The following ZFAND3 variants were observed in gnomAD, a reference collection of about 807,000 sequenced individuals.
ZFAND3 encodes AN1-type zinc finger protein 3.
In ZFAND3, 10 loss-of-function variants were observed where a neutral mutation model predicts 29.6. That is an observed-to-expected ratio of 0.34 (90% CI 0.21 to 0.57). ZFAND3 has a LOEUF of 0.57. Ranked by LOEUF, ZFAND3 falls within the 20% of genes least tolerant of loss-of-function variation. The probability of loss-of-function intolerance (pLI) is 0.86; values close to 1 mark genes in which losing one functional copy is unlikely to be tolerated. For synonymous variants in ZFAND3, 128 were observed against 112.6 expected (o/e 1.14, Z -0.87); for missense variants, 230 against 304.5 (o/e 0.76, Z 1.82).
At chr6:37,941,286 T>A (rs1273620391) in intron 2 of ZFAND3, among the ~76,000 whole-genome samples, 4 of 152,196 alleles carry the variant, frequency 2.6e-5, no homozygotes, top group Non-Finnish European at 4.4e-5. Flanking sequence ...GCTAAATAGA[T>A]TAGTCGGGAT....
chr6:38,054,844 A>G (rs1203911980), intron 2 of ZFAND3, among the ~76,000 whole-genome samples: 1 of 152,244 alleles, frequency 6.6e-6, no homozygotes, highest in African/African-American at 2.4e-5. Context: ...TTAACATCCA[A>G]CTACCAGAAT....
chr6:37,827,782 A>C (rs1360294520), intron 1 of ZFAND3, among the ~76,000 whole-genome samples: 1 of 152,210 alleles, frequency 6.6e-6, no homozygotes, highest in African/African-American at 2.4e-5. Flanking sequence ...TAGCTGTACC[A>C]GATGTCCCAT....
At chr6:38,056,652 G>C (rs1764139421) in intron 2 of ZFAND3, among the ~76,000 whole-genome samples, 1 of 152,190 alleles carries the variant, frequency 6.6e-6, no homozygotes, top group African/African-American at 2.4e-5. Flanking sequence ...TTTGTAGTAA[G>C]AAGATTGACG....
chr6:38,061,006 C>CATGAT (rs1440808421), intron 2 of ZFAND3, among the ~76,000 whole-genome samples: 1 of 152,154 alleles, frequency 6.6e-6, no homozygotes, highest in Non-Finnish European at 1.5e-5. Flanking sequence ...GGTTCAAACC[C>CATGAT]ATGATGTTCA....
intron 1 of ZFAND3, among the ~76,000 whole-genome samples, chr6:37,918,455 G>C (rs934899968): frequency 6.6e-6 from 1 of 152,074 alleles, no homozygotes; most frequent in Admixed American, 6.5e-5. Flanking sequence ...CAGCTTCCTT[G>C]CTAGCCTGTT....
chr6:38,119,917 G>A (rs1332206420), intron 5 of ZFAND3, among the ~76,000 whole-genome samples: 1 of 152,158 alleles, frequency 6.6e-6, no homozygotes, highest in Non-Finnish European at 1.5e-5. Flanking sequence ...CAGTAAGGAG[G>A]AATTTTGAAT....
intron 2 of ZFAND3, among the ~76,000 whole-genome samples, chr6:37,953,820 G>A (rs991124221): frequency 4.6e-5 from 7 of 152,006 alleles, no homozygotes; most frequent in African/African-American, 1.7e-4. Context: ...TTTAATAACC[G>A]TTTCTGCTGC....
At chr6:38,064,586 C>T (rs1215083836) in intron 3 of ZFAND3, among the ~76,000 whole-genome samples, 1 of 151,640 alleles carries the variant, frequency 6.6e-6, no homozygotes. Flanking sequence ...TGCTTTCTCT[C>T]CCTGTCATTA....
At chr6:37,966,837 C>G (rs1762301889) in intron 2 of ZFAND3, among the ~76,000 whole-genome samples, 1 of 152,162 alleles carries the variant, frequency 6.6e-6, no homozygotes, top group South Asian at 2.1e-4. Context: ...TTATTTCCTT[C>G]TGGAACAGTT....
At chr6:37,896,514 T>TTTTCTTTCTTTCTTTCTTTC (rs58666227) in intron 1 of ZFAND3, among the ~76,000 whole-genome samples, 2,030 of 109,158 alleles carry the variant, frequency 0.019, 51 homozygotes, top group Non-Finnish European at 0.021. Flanking sequence ...TTCCTCTTTC[T>TTTTCTTTCTTTCTTTCTTTC]TTTCTTTCTT....
intron 2 of ZFAND3, among the ~76,000 whole-genome samples, chr6:37,973,569 C>T (rs976041911): frequency 6.6e-6 from 1 of 152,160 alleles, no homozygotes; most frequent in Non-Finnish European, 1.5e-5. Flanking sequence ...TTAGGAACTG[C>T]ATTTTCCATT....
chr6:38,148,849 A>G (rs1766163249), intron 5 of ZFAND3, among the ~76,000 whole-genome samples: 3 of 152,172 alleles, frequency 2.0e-5, no homozygotes, highest in Admixed American at 2.0e-4. Flanking sequence ...CAAGTTCCAG[A>G]CATAACTTCC....
rs71542148 is a variant in ZFAND3 at position 37,914,672 on chromosome 6, C to CTTTTTTTTTTTTTTTTTTT, written c.72-15277_72-15276insTTTTTTTTTTTTTTTTTTT. ...TTTCTTTCTTTCTTTCTTTTTTTTT[C>CTTTTTTTTTTTTTTTTTTT]TTTTTTTTTTAGTGGAGACGGGGTT... On this transcript the variant is annotated intron_variant, in intron 1 of 5. Transcript: ENST00000287218. Among the ~76,000 whole-genome samples, 4 of 114,210 alleles carry CTTTTTTTTTTTTTTTTTTT rather than the reference C, an allele frequency of 3.5e-5. 1 individual carries two copies. The highest frequency in any genetic ancestry group is 1.1e-4 in the African/African-American group (3 of 27,980). The allele number at this position is 114,210 out of a possible 152,430, so 74.9% of individuals were successfully genotyped here. A position where few individuals can be genotyped will look rare whatever the true frequency, so the allele number is the denominator to read the frequency against.
chr6:37,898,305 G>A (rs1441883876), intron 1 of ZFAND3, among the ~76,000 whole-genome samples: 1 of 152,150 alleles, frequency 6.6e-6, no homozygotes, highest in Non-Finnish European at 1.5e-5. Context: ...TGCTGTGGTA[G>A]TGTTAAGCCA....
intron 5 of ZFAND3, among the ~76,000 whole-genome samples, chr6:38,144,196 T>TATATATATATATATAATATATA (rs1766034610): frequency 2.4e-5 from 1 of 41,094 alleles, no homozygotes; most frequent in South Asian, 5.2e-4. Context: ...TATATATATA[T>TATATATATATATATAATATATA]ATATATATAT....
At chr6:38,150,264 A>C (rs1360766150) in intron 5 of ZFAND3, among the ~76,000 whole-genome samples, 1 of 152,170 alleles carries the variant, frequency 6.6e-6, no homozygotes, top group Non-Finnish European at 1.5e-5. Flanking sequence ...CGGGAGACAG[A>C]AATTGCATCT....
chr6:37,881,842 C>T (rs958799296), intron 1 of ZFAND3, among the ~76,000 whole-genome samples: 12 of 151,380 alleles, frequency 7.9e-5, no homozygotes, highest in African/African-American at 2.9e-4. Flanking sequence ...AGAATTTCAA[C>T]AATTTTAGTT....
chr6:37,990,946 G>A (rs1247576318), intron 2 of ZFAND3, among the ~76,000 whole-genome samples: 1 of 152,184 alleles, frequency 6.6e-6, no homozygotes, highest in Non-Finnish European at 1.5e-5. Flanking sequence ...CCCAGGCATG[G>A]CAGGCATCCT....
At chr6:37,942,154 T>C (rs1402133722) in intron 2 of ZFAND3, among the ~76,000 whole-genome samples, 5 of 152,174 alleles carry the variant, frequency 3.3e-5, no homozygotes, top group Admixed American at 2.6e-4. Flanking sequence ...AGTAAGAGTA[T>C]GTTTTAAATA....
Sources: gnomAD v4.1 joint callset for allele counts (sites outside exome capture counted in the v4.1 genomes callset) on GRCh38, gnomAD v4.1.1 for gene constraint, MANE v1.5 for transcripts, NCBI Gene and HGNC (gene_info 2026-07-23, HGNC 2026-07-21) for gene names.